The following RPS6KA2 variants were observed in gnomAD, a reference collection of about 807,000 sequenced individuals.
RPS6KA2 encodes ribosomal protein S6 kinase A2.
Under a neutral mutation model 91.8 loss-of-function variants are expected in RPS6KA2, and 42 were observed. That is an observed-to-expected ratio of 0.46 (90% confidence interval 0.36 to 0.59). The LOEUF (loss-of-function observed/expected upper bound fraction) is 0.59, where lower values mean the gene tolerates loss of function less well. Ranked by LOEUF, RPS6KA2 falls within the 20% of genes least tolerant of loss-of-function variation. The pLI, the probability that RPS6KA2 is intolerant of heterozygous loss-of-function variation, is 0.00. For synonymous variants in RPS6KA2, 414 were observed against 393.6 expected, an observed-to-expected ratio of 1.05 and a Z score of -0.61; for missense variants, 798 against 978.5, an observed-to-expected ratio of 0.82 and a Z score of 2.46.
At position 166,433,036 on chromosome 6, in the gene RPS6KA2, A is replaced by G. The variant is rs2128446590; in HGVS notation, c.1333-546T>C. On this transcript the variant is annotated intron_variant, in intron 14 of 20. Coordinates refer to ENST00000265678, the MANE Select transcript of RPS6KA2 (RefSeq NM_021135.6). This position sits in a 1 kb window ranked among gnomAD's most constrained non-coding sequence, Gnocchi z 4.4. ...AAGGAGTACAAGACTTCAGACATGA[A>G]TTTTAAGGTGTTATAAGGTTGGGTG... Among the ~76,000 whole-genome samples the G allele has an allele frequency of 6.6e-6, 1 of 151,694 alleles. No individual in the cohort carries two copies. Among genetic ancestry groups the G allele is most frequent in the Non-Finnish European group, 1.5e-5 (1 of 67,946 alleles).
intron 2 of RPS6KA2, among the ~76,000 whole-genome samples, chr6:166,783,352 A>G (rs1421312818): frequency 6.6e-6 from 1 of 152,016 alleles, no homozygotes; most frequent in Non-Finnish European, 1.5e-5. Flanking sequence ...AGCTACCCTG[A>G]AGAGGAAGGA....
Position 166,451,358 on chromosome 6 carries a change from T to TGCGC in RPS6KA2, c.1076-126_1076-125insGCGC, listed in dbSNP as rs1554275049. 4.9e-6 allele frequency: 5 copies of TGCGC among 1,012,442 alleles called. No homozygotes were observed. In the African/African-American group the frequency reaches 6.3e-5, roughly 13 times the overall value. The allele number at this position is 1,012,442 out of a possible 1,614,324, so 62.7% of individuals were successfully genotyped here. A position where few individuals can be genotyped will look rare whatever the true frequency, so the allele number is the denominator to read the frequency against. ...GTGTGTGTGTGTGTGTGTGTGTGTG[T>TGCGC]GCACGTGGCGTATGCCTGTGGTGGA... is the stretch of plus-strand genomic sequence containing the variant. On this transcript the variant is annotated intron_variant, in intron 12 of 20. Coordinates refer to ENST00000265678, the MANE Select transcript of RPS6KA2 (RefSeq NM_021135.6).
At chr6:166,477,675 C>T (rs1583184913) in intron 10 of RPS6KA2, among the ~76,000 whole-genome samples, 1 of 152,152 alleles carries the variant, frequency 6.6e-6, no homozygotes, top group African/African-American at 2.4e-5. Context: ...TGTTGGGAGG[C>T]CAATGCAGGA....
chr6:166,458,453 TAA>T (rs1218869386), intron 12 of RPS6KA2, among the ~76,000 whole-genome samples: 1 of 152,236 alleles, frequency 6.6e-6, no homozygotes, highest in Non-Finnish European at 1.5e-5. Flanking sequence ...GTAAATTCAC[TAA>T]ACTTCTTTCT....
At chr6:166,760,414 C>T (rs750128175) in intron 2 of RPS6KA2, among the ~76,000 whole-genome samples, 3 of 152,344 alleles carry the variant, frequency 2.0e-5, no homozygotes, top group Admixed American at 6.5e-5. Flanking sequence ...TGAACTACAT[C>T]GAAGATGAAC....
chr6:166,578,360 G>A (rs991995590), intron 1 of RPS6KA2, among the ~76,000 whole-genome samples: 1 of 152,164 alleles, frequency 6.6e-6, no homozygotes, highest in Admixed American at 6.5e-5. Context: ...GGGATAGTAG[G>A]AGCAGTTAAG....
At chr6:166,593,343 T>C (rs1446031607) in intron 1 of RPS6KA2, among the ~76,000 whole-genome samples, 1 of 152,026 alleles carries the variant, frequency 6.6e-6, no homozygotes, top group Non-Finnish European at 1.5e-5. Flanking sequence ...AAAAGAAGAC[T>C]ATATAAAAAC....
intron 1 of RPS6KA2, among the ~76,000 whole-genome samples, chr6:166,567,141 C>T (rs752148430): frequency 2.6e-5 from 4 of 152,176 alleles, no homozygotes; most frequent in Non-Finnish European, 4.4e-5. Flanking sequence ...GCTGCCCTTC[C>T]GCAGAACACC....
Position 166,430,439 on chromosome 6 carries a change from G to T in RPS6KA2, c.1581+14C>A. The T allele has an allele frequency of 6.2e-7, 1 of 1,602,694 alleles. No homozygotes were observed. Among genetic ancestry groups the T allele is most frequent in the Non-Finnish European group, 8.5e-7 (1 of 1,172,802 alleles). On this transcript the variant is annotated intron_variant, in intron 16 of 20. Transcript: ENST00000265678. Reference sequence around the variant, plus strand: ...TCCCTCCTCCCCGAAGGCTGCCCCAGGCATGGCTCCTACCCCCTGGGAATG... The same window carrying T: ...TCCCTCCTCCCCGAAGGCTGCCCCATGCATGGCTCCTACCCCCTGGGAATG...
intron 2 of RPS6KA2, among the ~76,000 whole-genome samples, chr6:166,682,054 G>T (rs372416383): frequency 6.6e-6 from 1 of 152,110 alleles, no homozygotes; most frequent in Non-Finnish European, 1.5e-5. Flanking sequence ...TGGTTCATTC[G>T]TAAGTAGAGT....
At position 166,418,834 on chromosome 6, in the gene RPS6KA2, G is replaced by A. The variant is rs921965004; in HGVS notation, c.1821-492C>T. 1.6e-4 allele frequency among the ~76,000 whole-genome samples: 24 copies of A among 152,248 alleles called. No homozygotes were observed. The highest frequency in any genetic ancestry group is 1.3e-3 in the Admixed American group (20 of 15,288). On this transcript the variant is annotated intron_variant, in intron 18 of 20. Transcript: ENST00000265678. This position sits in a 1 kb window ranked among gnomAD's most constrained non-coding sequence, Gnocchi z 4.9. ...GTGCAGCTCTGGCCATATTCCAAGC[G>A]CGTGGGAGGTGTTCATGGTGTCCCA...
rs142017873 is a variant in RPS6KA2 at position 166,635,993 on chromosome 6, C to A, written c.124-97209G>T. On this transcript the variant is annotated intron_variant, in intron 2 of 21. Transcript: ENST00000503859. This position sits in a 1 kb window ranked among gnomAD's most constrained non-coding sequence, Gnocchi z 4.8. ...TAAATCCAAATCCAATCATCCACTT[C>A]TCTGCTTATAACTCTTCCAGGCTTC... Among the ~76,000 whole-genome samples, 3 of 152,236 alleles carry A rather than the reference C, an allele frequency of 2.0e-5. No individual in the cohort carries two copies. Among genetic ancestry groups the A allele is most frequent in the Non-Finnish European group, 4.4e-5 (3 of 68,048 alleles).
intron 14 of RPS6KA2, among the ~76,000 whole-genome samples, chr6:166,444,842 T>C (rs1779628251): frequency 6.6e-6 from 1 of 152,188 alleles, no homozygotes; most frequent in Non-Finnish European, 1.5e-5. Context: ...TTAATTTTAG[T>C]CCTAATTTTA....
At chr6:166,539,512 T>G (rs572173956) in intron 1 of RPS6KA2, among the ~76,000 whole-genome samples, 1 of 152,356 alleles carries the variant, frequency 6.6e-6, no homozygotes, top group South Asian at 2.1e-4. Context: ...CTCCTTCTGA[T>G]TCACGCTATC....
At chr6:166,550,308 G>A (rs1038059720) in intron 1 of RPS6KA2, among the ~76,000 whole-genome samples, 1 of 152,050 alleles carries the variant, frequency 6.6e-6, no homozygotes, top group Admixed American at 6.5e-5. Context: ...ATAATGGAAA[G>A]TTCAGGCAAA....
chr6:166,510,039 C>G (rs1035241888), intron 4 of RPS6KA2, among the ~76,000 whole-genome samples: 47 of 152,048 alleles, frequency 3.1e-4, no homozygotes, highest in African/African-American at 1.1e-3. Flanking sequence ...ATAATGGATA[C>G]CCCATCTAAA....
At chr6:166,596,954 T>C (rs569024307) in intron 1 of RPS6KA2, among the ~76,000 whole-genome samples, 235 of 151,956 alleles carry the variant, frequency 1.5e-3, no homozygotes, top group Middle Eastern at 3.4e-3. Context: ...GGGACTGTGG[T>C]GATTCACCAC....
intron 3 of RPS6KA2, among the ~76,000 whole-genome samples, chr6:166,529,406 C>A (rs1011685932): frequency 6.6e-6 from 1 of 151,934 alleles, no homozygotes; most frequent in Non-Finnish European, 1.5e-5. Flanking sequence ...GAACATCACA[C>A]ACTGGGGCCT....
At chr6:166,633,491 T>C (rs959978691) in intron 2 of RPS6KA2, among the ~76,000 whole-genome samples, 1 of 152,218 alleles carries the variant, frequency 6.6e-6, no homozygotes, top group Admixed American at 6.5e-5. Context: ...GAGGCTTACT[T>C]CTGTGGAAAA....
Sources: gnomAD v4.1 joint callset for allele counts (sites outside exome capture counted in the v4.1 genomes callset) on GRCh38, gnomAD v4.1.1 for gene constraint, Gnocchi (gnomAD v3.1) non-coding constraint, MANE v1.5 for transcripts, NCBI Gene and HGNC (gene_info 2026-07-23, HGNC 2026-07-21) for gene names.